Variants in SLC29A3 observed in about 807,000 individuals in gnomAD.
SLC29A3 encodes the protein equilibrative nucleoside transporter 3.
In SLC29A3, 18 loss-of-function variants were observed where a neutral mutation model predicts 25.4. The ratio of observed to expected loss-of-function variants is 0.71; its 90% CI spans 0.49 to 1.05. SLC29A3 has a LOEUF of 1.05. Ranked by LOEUF, SLC29A3 falls within the 50% of genes least tolerant of loss-of-function variation. SLC29A3 has a pLI of 0.00. For synonymous variants in SLC29A3, 258 were observed against 267.1 expected (o/e 0.97, Z 0.33); for missense variants, 586 against 609.0 (o/e 0.96, Z 0.40).
chr10:71,374,220 C>T (rs923929551), intron 3 of SLC29A3, among the ~76,000 whole-genome samples: 2 of 152,148 alleles, frequency 1.3e-5, no homozygotes, highest in Admixed American at 6.5e-5. Flanking sequence ...TCCTATTTCC[C>T]TCTCCTCTGT....
intron 3 of SLC29A3, among the ~76,000 whole-genome samples, chr10:71,347,556 AGT>A (rs756155614): frequency 6.6e-6 from 1 of 152,212 alleles, no homozygotes; most frequent in Non-Finnish European, 1.5e-5. Flanking sequence ...GAGGGAAGCC[AGT>A]GTCCTCTGTT....
At chr10:71,336,144 C>A (rs948294226) in intron 2 of SLC29A3, among the ~76,000 whole-genome samples, 3 of 152,220 alleles carry the variant, frequency 2.0e-5, no homozygotes, top group African/African-American at 7.2e-5. Context: ...AGCATCACTG[C>A]AGTCTGTGGC....
rs967565444 is a variant in SLC29A3 at position 71,319,493 on chromosome 10, C to T, written c.1+183C>T. The T allele has an allele frequency of 1.4e-5, 6 of 430,198 alleles. No individual in the cohort carries two copies. In the East Asian group the frequency reaches 1.5e-4, roughly 11 times the overall value. 26.6% of individuals were successfully genotyped at this position (430,198 alleles called of 1,614,324 possible). ...TCTCTCTCCTTGCTCTCTGCCACCC[C>T]TCTTTCTGGGTCTCTATCTTCTCTT... On this transcript the variant is annotated intron_variant, in intron 1 of 5. Coordinates refer to ENST00000373189, the MANE Select transcript of SLC29A3 (RefSeq NM_018344.6).
intron 2 of SLC29A3, among the ~76,000 whole-genome samples, chr10:71,335,327 C>T (rs566066827): frequency 3.5e-4 from 53 of 152,312 alleles, no homozygotes; most frequent in Non-Finnish European, 6.6e-4. Context: ...TGCCTCCACG[C>T]GCCCCATCAT....
At chr10:71,332,334 G>C (rs887796129) in intron 2 of SLC29A3, among the ~76,000 whole-genome samples, 1 of 151,958 alleles carries the variant, frequency 6.6e-6, no homozygotes, top group Middle Eastern at 3.4e-3. Context: ...ATTTTTGGTA[G>C]AGATGGGGTT....
intron 2 of SLC29A3, among the ~76,000 whole-genome samples, chr10:71,327,211 C>A (rs768533045): frequency 6.6e-6 from 1 of 152,198 alleles, no homozygotes; most frequent in Non-Finnish European, 1.5e-5. Context: ...TACCCAGACA[C>A]CCTCTCCCCC....
chr10:71,351,310 A>AC (rs1385749030), intron 3 of SLC29A3, among the ~76,000 whole-genome samples: 1 of 151,900 alleles, frequency 6.6e-6, no homozygotes, highest in Non-Finnish European at 1.5e-5. Flanking sequence ...CTTCAGCCTC[A>AC]CCCCCCTGTG....
chr10:71,327,188 C>G lies in SLC29A3; in HGVS notation c.300+4134C>G, dbSNP rs564387018. 6.6e-5 allele frequency among the ~76,000 whole-genome samples: 10 copies of G among 152,266 alleles called. No homozygotes were observed. The East Asian group carries it at 1.9e-3, about 29-fold the overall frequency. On this transcript the variant is annotated intron_variant, in intron 2 of 5. Transcript: ENST00000373189. Reference sequence around the variant, plus strand: ...ATGCCATTTGATGGGGAGCTTGACCCAGGAGGAAGGTTTACCCAGACACCC... The same window carrying G: ...ATGCCATTTGATGGGGAGCTTGACCGAGGAGGAAGGTTTACCCAGACACCC...
chr10:71,330,734 C>T (rs967633549), intron 2 of SLC29A3, among the ~76,000 whole-genome samples: 4 of 152,210 alleles, frequency 2.6e-5, no homozygotes, highest in African/African-American at 9.7e-5. Context: ...TCCCAACATT[C>T]GCTGCCTTTA....
intron 2 of SLC29A3, among the ~76,000 whole-genome samples, chr10:71,336,209 G>C (rs776082399): frequency 6.6e-6 from 1 of 152,060 alleles, no homozygotes; most frequent in Non-Finnish European, 1.5e-5. Context: ...CTCTTTTCCC[G>C]TATACTGTGG....
intron 1 of SLC29A3, among the ~76,000 whole-genome samples, chr10:71,320,933 A>G (rs1288662723): frequency 6.6e-6 from 1 of 152,178 alleles, no homozygotes; most frequent in Non-Finnish European, 1.5e-5. Flanking sequence ...GGAGTCCAGC[A>G]TGGGCCCCAG....
At chr10:71,363,753 G>A (rs1847130013), downstream of SLC29A3, among the ~76,000 whole-genome samples, 1 of 149,864 alleles carries the variant, frequency 6.7e-6, no homozygotes. Flanking sequence ...GATTATAGGT[G>A]TGAGCCACTG....
At chr10:71,323,291 A>G (rs146397791) in intron 2 of SLC29A3, among the ~76,000 whole-genome samples, 1 of 152,380 alleles carries the variant, frequency 6.6e-6, no homozygotes, top group Non-Finnish European at 1.5e-5. Flanking sequence ...TTCAGCTATG[A>G]GTTACAGAAA....
intron 5 of SLC29A3, among the ~76,000 whole-genome samples, 170 bp downstream of exon 5, chr10:71,356,413 C>T (rs1366098560): frequency 6.6e-6 from 1 of 152,226 alleles, no homozygotes; most frequent in African/African-American, 2.4e-5. Context: ...CTCTGTGCCA[C>T]AGTCAAGCAG....
chr10:71,319,630 G>C (rs944727157), intron 1 of SLC29A3: 1 of 331,002 alleles, frequency 3.0e-6, no homozygotes, highest in Admixed American at 4.9e-5. Flanking sequence ...TGATTCTCTC[G>C]GTCCCAGCTG....
chr10:71,329,851 C>A (rs1350547552), intron 2 of SLC29A3, among the ~76,000 whole-genome samples: 3 of 152,246 alleles, frequency 2.0e-5, no homozygotes, highest in Admixed American at 6.5e-5. Flanking sequence ...TCATGAGAGA[C>A]TTAGGTGAGC....
chr10:71,377,199 G>A (rs551715338), intron 4 of SLC29A3, among the ~76,000 whole-genome samples: 2 of 152,352 alleles, frequency 1.3e-5, no homozygotes, highest in South Asian at 4.1e-4. Flanking sequence ...AGGGGCTGAT[G>A]GGGAGGTGCC....
At chr10:71,340,522 C>T (rs1042487770) in intron 2 of SLC29A3, among the ~76,000 whole-genome samples, 1 of 152,188 alleles carries the variant, frequency 6.6e-6, no homozygotes, top group Non-Finnish European at 1.5e-5. Context: ...TAGAACAAAT[C>T]AAAACAGACT....
At chr10:71,347,119 GT>G (rs1417802947) in intron 3 of SLC29A3, among the ~76,000 whole-genome samples, 3 of 152,152 alleles carry the variant, frequency 2.0e-5, no homozygotes, top group Non-Finnish European at 4.4e-5. Context: ...GGGCTAAGCT[GT>G]TTTTTATTTA....
Sources: allele counts gnomAD v4.1 joint callset (sites outside exome capture counted in the v4.1 genomes callset), GRCh38; gene constraint gnomAD v4.1.1; transcripts MANE v1.5; gene names NCBI Gene and HGNC (gene_info 2026-07-23, HGNC 2026-07-21).